The following TNN variants were observed in gnomAD, a reference collection of about 807,000 sequenced individuals.
The protein encoded by TNN is tenascin N, also known as tenascin-N.
TNN carries 122 observed loss-of-function variants against 134.4 expected under a neutral mutation model. The ratio of observed to expected loss-of-function variants is 0.91; its 90% CI spans 0.78 to 1.06. The LOEUF (loss-of-function observed/expected upper bound fraction) is 1.06. Among genes scored for constraint, TNN ranks in the 50% least tolerant of loss-of-function variants. TNN has a pLI of 0.00. For missense variants in TNN, 1,739 were observed against 1,699.4 expected (o/e 1.02, Z -0.41); for synonymous variants, 710 against 670.3 (o/e 1.06, Z -0.91).
chr1:175,128,488 T>A, intron 14 of TNN, 107 bp from the exon 15 acceptor site: 4 of 1,345,826 alleles, frequency 3.0e-6, no homozygotes, highest in Non-Finnish European at 4.0e-6. Context: ...AAGTAGGAAG[T>A]TATGAAATAA....
At chr1:175,118,467 A>G in intron 10 of TNN, 94 bp from the exon 11 acceptor site, 1 of 1,456,084 alleles carries the variant, frequency 6.9e-7, no homozygotes, top group Non-Finnish European at 9.4e-7. Context: ...ACCCCACACA[A>G]CATGAAAGGG....
At chr1:175,121,418 C>A (rs4650699) in intron 11 of TNN, among the ~76,000 whole-genome samples, 1 of 151,938 alleles carries the variant, frequency 6.6e-6, no homozygotes, top group African/African-American at 2.4e-5. Flanking sequence ...TGAGATGAGG[C>A]GGGAGGAGCA....
rs750054636 is a variant in TNN at position 175,077,647 on chromosome 1, G to A, written c.229G>A (p.Glu77Lys). The change falls in exon 2 of 19, where the codon GAG (glutamate) becomes AAG (lysine). Residue 77 changes from glutamate to lysine, a missense_variant. Transcript: ENST00000239462. ...DDGASLLALG[E>K]AREEQNIIFR... is the part of the protein sequence containing the mutation. ...TGGGGCTTCGCTCTTGGCCCTGGGG[G>A]AGGCCAGGGAGGAACAGAACATCAT... 2 of 1,614,208 alleles carry A rather than the reference G, an allele frequency of 1.2e-6. No homozygotes were observed. Among genetic ancestry groups the A allele is most frequent in the South Asian group, 2.2e-5 (2 of 91,086 alleles).
At chr1:175,091,205 A>G (rs563404506) in intron 6 of TNN, among the ~76,000 whole-genome samples, 46 of 152,294 alleles carry the variant, frequency 3.0e-4, no homozygotes, top group Admixed American at 5.9e-4. Context: ...GGTCAAGGAG[A>G]GCAAGCTCTG....
intron 18 of TNN, 64 bp downstream of exon 18, chr1:175,144,614 A>C (rs1574183987): frequency 1.3e-6 from 2 of 1,536,342 alleles, no homozygotes; most frequent in Admixed American, 1.9e-5. Flanking sequence ...CCAAATGGAC[A>C]CCCTCCAGGC....
At position 175,123,456 on chromosome 1, in the gene TNN, G is replaced by A. The variant is rs1467473056; in HGVS notation, c.2707G>A (p.Val903Ile). The change falls in exon 12 of 19, where the codon GTC becomes ATC. Residue 903 changes from valine to isoleucine, a missense_variant. Transcript: ENST00000239462. ...CTGGGTGACGGAGAATATGGCCACT[G>A]TCTCCTGGGACCCGGTTCAGGCCAC... The part of the protein sequence containing the change: ...TDWVTENMAT[V>I]SWDPVQATID... The A allele has an allele frequency of 6.2e-7, 1 of 1,614,218 alleles. No individual in the cohort carries two copies. Among genetic ancestry groups the A allele is most frequent in the Non-Finnish European group, 8.5e-7 (1 of 1,180,048 alleles).
At chr1:175,123,022 T>C (rs1461687620) in intron 11 of TNN, among the ~76,000 whole-genome samples, 1 of 152,198 alleles carries the variant, frequency 6.6e-6, no homozygotes, top group African/African-American at 2.4e-5. Context: ...TCGGAAAGGT[T>C]GGAGGATATG....
chr1:175,118,425 C>T lies in TNN; in HGVS notation c.2387-136C>T. On this transcript the variant is annotated intron_variant, in intron 10 of 18. Coordinates refer to ENST00000239462, the MANE Select transcript of TNN (RefSeq NM_022093.2). ...GGAGAAGATGATGTCCATGAAACAGCTAAAAATGAAACAAGAGCATATGAG... is the reference window on the plus strand; with the variant it reads ...GGAGAAGATGATGTCCATGAAACAGTTAAAAATGAAACAAGAGCATATGAG... 3 of 1,097,968 alleles carry T rather than the reference C, an allele frequency of 2.7e-6. No homozygotes were observed. The East Asian group carries it at 7.3e-5, about 27-fold the overall frequency. The allele number at this position is 1,097,968 out of a possible 1,614,324, so 68.0% of individuals were successfully genotyped here.
intron 15 of TNN, among the ~76,000 whole-genome samples, chr1:175,131,505 G>T (rs1334241166): frequency 6.6e-6 from 1 of 152,124 alleles, no homozygotes; most frequent in African/African-American, 2.4e-5. Flanking sequence ...TCATTATAGG[G>T]TGTTTTCATC....
chr1:175,086,386 C>T (rs570577400), intron 6 of TNN, among the ~76,000 whole-genome samples: 13 of 152,284 alleles, frequency 8.5e-5, no homozygotes, highest in Middle Eastern at 3.4e-3. Flanking sequence ...GGCATACATA[C>T]GAGACATCCT....
intron 18 of TNN, among the ~76,000 whole-genome samples, chr1:175,145,312 G>A (rs1202654292): frequency 6.6e-6 from 1 of 151,946 alleles, no homozygotes; most frequent in Non-Finnish European, 1.5e-5. Flanking sequence ...CAGCACTCTG[G>A]GAGGCTGAGG....
At chr1:175,085,874 CAAAAAAA>C (rs59186260) in intron 6 of TNN, among the ~76,000 whole-genome samples, 1 of 81,584 alleles carries the variant, frequency 1.2e-5, no homozygotes, top group Non-Finnish European at 2.4e-5. Context: ...AACTCCATCT[CAAAAAAA>C]AAAAAAAAAA....
chr1:175,108,214 T>C (rs918413668), intron 9 of TNN, among the ~76,000 whole-genome samples: 2 of 151,618 alleles, frequency 1.3e-5, no homozygotes, highest in African/African-American at 4.9e-5. Flanking sequence ...GTATTTACAA[T>C]CCCTGAGCTA....
At position 175,103,262 on chromosome 1, in the gene TNN, G is replaced by A. The variant is rs556766510; in HGVS notation, c.2119+4667G>A. Among the ~76,000 whole-genome samples the A allele has an allele frequency of 2.8e-4, 41 of 146,420 alleles. 7 individuals carry two copies. Among genetic ancestry groups the A allele is most frequent in the Admixed American group, 1.0e-3 (15 of 14,636 alleles). On this transcript the variant is annotated intron_variant, in intron 9 of 18. Coordinates refer to ENST00000239462, the MANE Select transcript of TNN (RefSeq NM_022093.2). ...TGAAAGGCGTTGTCTGATTTCAGAA[G>A]CCTTTTCCTGTAAACTCCGGGCAGC... is the stretch of plus-strand genomic sequence containing the variant.
At chr1:175,142,156 G>A (rs1675956170) in intron 17 of TNN, among the ~76,000 whole-genome samples, 1 of 152,222 alleles carries the variant, frequency 6.6e-6, no homozygotes, top group Non-Finnish European at 1.5e-5. Context: ...TGACTAGCAT[G>A]ACAATATACC....
chr1:175,132,090 A>G (rs7526772), intron 15 of TNN, among the ~76,000 whole-genome samples: 98,403 of 151,608 alleles, frequency 0.65, 32,777 homozygotes, highest in African/African-American at 0.72. Context: ...GTGATTTGAC[A>G]CGATGTATGT....
chr1:175,080,818 G>A (rs1440796135), intron 4 of TNN, among the ~76,000 whole-genome samples: 1 of 152,152 alleles, frequency 6.6e-6, no homozygotes, highest in Non-Finnish European at 1.5e-5. Context: ...CATCTTCGTG[G>A]GAAAGACAGG....
Position 175,128,142 on chromosome 1 carries a change from T to G in TNN, c.3156T>G (p.Asn1052Lys). Residue 1052 changes from asparagine (N) to lysine (K), a missense_variant, in exon 14 of 19, where the codon AAT (asparagine) becomes AAG (lysine). By Grantham distance (94) the Asn-to-Lys change is moderately conservative. Coordinates refer to ENST00000239462, the MANE Select transcript of TNN (RefSeq NM_022093.2). ...TTAAGGGTGGTCGCCGGAGCAGAAA[T>G]GTATCCACCACCCTCTCCACAGGTA... is the stretch of plus-strand genomic sequence containing the variant. ...VAFKGGRRSRNVSTTLSTVGA... is the reference protein window; with the variant it reads ...VAFKGGRRSRKVSTTLSTVGA... 11 of 1,610,376 alleles carry G rather than the reference T, an allele frequency of 6.8e-6. No individual in the cohort carries two copies. Among genetic ancestry groups the G allele is most frequent in the Non-Finnish European group, 9.3e-6 (11 of 1,178,126 alleles).
chr1:175,131,785 A>G (rs1369211237), intron 15 of TNN, among the ~76,000 whole-genome samples: 4 of 152,194 alleles, frequency 2.6e-5, no homozygotes, highest in Non-Finnish European at 5.9e-5. Flanking sequence ...CTAACAGTTT[A>G]GAAAAGTGAG....
Sources: allele counts gnomAD v4.1 joint callset (sites outside exome capture counted in the v4.1 genomes callset), GRCh38; gene constraint gnomAD v4.1.1; transcripts MANE v1.5; gene names NCBI Gene and HGNC (gene_info 2026-07-23, HGNC 2026-07-21).